The following AIDA variants were observed in gnomAD, a reference collection of about 807,000 sequenced individuals.
AIDA encodes the protein axin interactor, dorsalization associated.
AIDA carries 18 observed loss-of-function variants against 42.7 expected under a neutral mutation model. The ratio of observed to expected loss-of-function variants is 0.42; its 90% CI spans 0.29 to 0.63. AIDA has a LOEUF of 0.63. AIDA is among the 20% of genes least tolerant of loss of function. The probability of loss-of-function intolerance (pLI) is 0.19; values close to 1 mark genes in which losing one functional copy is unlikely to be tolerated. For missense variants in AIDA, 250 were observed against 354.1 expected, an observed-to-expected ratio of 0.71 and a Z score of 2.36; for synonymous variants, 104 against 122.9, an observed-to-expected ratio of 0.85 and a Z score of 1.02.
chr1:222,672,535 C>T (rs1317065231), intron 8 of AIDA, among the ~76,000 whole-genome samples: 1 of 152,162 alleles, frequency 6.6e-6, no homozygotes, highest in Non-Finnish European at 1.5e-5. Context: ...CTGGGGTGGC[C>T]ACCTAAGAAG....
intron 7 of AIDA, 92 bp downstream of exon 7, chr1:222,676,004 T>C: frequency 7.1e-7 from 1 of 1,410,638 alleles, no homozygotes; most frequent in South Asian, 1.6e-5. Flanking sequence ...TACATAAGAC[T>C]CCCCGCCCCA....
intron 7 of AIDA, among the ~76,000 whole-genome samples, chr1:222,674,095 C>CA (rs1007276568): frequency 6.6e-6 from 1 of 151,986 alleles, no homozygotes; most frequent in Non-Finnish European, 1.5e-5. Context: ...GTCAAAAAAA[C>CA]AAAAAACAAA....
At position 222,694,221 on chromosome 1, in the gene AIDA, C is replaced by A; in HGVS notation, c.223G>T (p.Ala75Ser). The A allele has an allele frequency of 3.7e-6, 6 of 1,611,634 alleles. No individual in the cohort carries two copies. Among genetic ancestry groups the A allele is most frequent in the Non-Finnish European group, 5.1e-6 (6 of 1,179,168 alleles). The change falls in exon 3 of 10, where the codon GCA becomes TCA. Residue 75 changes from alanine to serine, a missense_variant. Ala to Ser is a moderately conservative substitution (Grantham distance 99, BLOSUM62 1). Transcript: ENST00000340020. The part of the protein sequence containing the change: ...KIATCLELRS[A>S]ALQSTQSQEE... ...GAAAAACTCCTTACCTGTAAAGCTG[C>A]ACTTCGCAATTCCAAGCATGTTGCA... is the stretch of plus-strand genomic sequence containing the variant.
chr1:222,685,803 G>A (rs1396037938), intron 6 of AIDA, among the ~76,000 whole-genome samples: 1 of 152,180 alleles, frequency 6.6e-6, no homozygotes, highest in East Asian at 1.9e-4. Context: ...GGGGAAGAAA[G>A]GGCAATTGTT....
chr1:222,690,547 C>T (rs1292407719), intron 4 of AIDA, among the ~76,000 whole-genome samples: 3 of 152,104 alleles, frequency 2.0e-5, no homozygotes, highest in Non-Finnish European at 4.4e-5. Flanking sequence ...TGGAGTCCTG[C>T]AGTTTAGAGC....
intron 1 of AIDA, among the ~76,000 whole-genome samples, chr1:222,705,809 G>A (rs532094610): frequency 9.9e-5 from 15 of 152,068 alleles, no homozygotes; most frequent in South Asian, 4.1e-4. Flanking sequence ...GCTTGAACCC[G>A]GGAGGCAAAG....
intron 4 of AIDA, among the ~76,000 whole-genome samples, chr1:222,693,067 T>G (rs1487467483): frequency 6.6e-6 from 1 of 152,138 alleles, no homozygotes; most frequent in Non-Finnish European, 1.5e-5. Flanking sequence ...GTGAGAGAAC[T>G]CAACTATATG....
chr1:222,692,489 C>T lies in AIDA; in HGVS notation c.289+1300G>A, dbSNP rs528130099. ...TTTTTGTGGTAGGCAAAATGGGTAA[C>T]TGTTCCCATCTGAAAGATTATTTTT... On this transcript the variant is annotated intron_variant, in intron 4 of 9. Transcript: ENST00000340020. Among the ~76,000 whole-genome samples, 35 of 152,306 alleles carry T rather than the reference C, an allele frequency of 2.3e-4. No homozygotes were observed. The South Asian group carries it at 4.3e-3, about 19-fold the overall frequency.
intron 4 of AIDA, among the ~76,000 whole-genome samples, chr1:222,688,469 G>A (rs554482711): frequency 6.8e-4 from 103 of 152,192 alleles, no homozygotes; most frequent in African/African-American, 2.4e-3. Flanking sequence ...GATTACAATG[G>A]AACTGAAAAA....
At chr1:222,712,092 G>A in intron 1 of AIDA, 116 bp downstream of exon 1, 1 of 1,484,474 alleles carries the variant, frequency 6.7e-7, no homozygotes, top group Non-Finnish European at 9.1e-7. Context: ...AGTGCCTGCG[G>A]AGCCCCACCC....
chr1:222,705,093 A>T (rs1456076356), intron 1 of AIDA, among the ~76,000 whole-genome samples: 1 of 152,228 alleles, frequency 6.6e-6, no homozygotes, highest in Non-Finnish European at 1.5e-5. Context: ...ATCCTCCTTA[A>T]CATAAGGCAA....
intron 2 of AIDA, among the ~76,000 whole-genome samples, chr1:222,695,339 A>G (rs774508809): frequency 6.6e-6 from 1 of 152,204 alleles, no homozygotes; most frequent in Non-Finnish European, 1.5e-5. Context: ...TAAAAATACA[A>G]AAATTAGCCA....
At chr1:222,710,284 G>A (rs1655961075) in intron 1 of AIDA, among the ~76,000 whole-genome samples, 1 of 152,044 alleles carries the variant, frequency 6.6e-6, no homozygotes, top group Non-Finnish European at 1.5e-5. Flanking sequence ...TTTGACCCTG[G>A]CAGTTTTTAT....
intron 1 of AIDA, chr1:222,711,260 A>C (rs2124974357): frequency 6.6e-6 from 1 of 152,310 alleles, no homozygotes; most frequent in East Asian, 1.9e-4. Context: ...AAACCTAAGC[A>C]AGGTTTTATG....
intron 2 of AIDA, among the ~76,000 whole-genome samples, chr1:222,702,419 T>C (rs1655734275): frequency 1.3e-5 from 2 of 152,146 alleles, no homozygotes; most frequent in Non-Finnish European, 2.9e-5. Flanking sequence ...GACTTAACAC[T>C]AGATACTCTG....
chr1:222,696,011 C>A (rs1372834427), intron 2 of AIDA, among the ~76,000 whole-genome samples: 1 of 152,138 alleles, frequency 6.6e-6, no homozygotes, highest in Admixed American at 6.6e-5. Context: ...ACAAAATAAA[C>A]CACTACTGAG....
At chr1:222,695,784 A>G (rs1390815019) in intron 2 of AIDA, among the ~76,000 whole-genome samples, 1 of 152,222 alleles carries the variant, frequency 6.6e-6, no homozygotes, top group African/African-American at 2.4e-5. Context: ...AATGTCTGCA[A>G]TGCCTGCACA....
chr1:222,690,459 A>G (rs1045902470), intron 4 of AIDA, among the ~76,000 whole-genome samples: 2 of 152,190 alleles, frequency 1.3e-5, no homozygotes, highest in Non-Finnish European at 2.9e-5. Flanking sequence ...TGATTACATT[A>G]AAGTGAATTC....
intron 4 of AIDA, among the ~76,000 whole-genome samples, chr1:222,688,931 T>C (rs934644850): frequency 1.3e-5 from 2 of 152,008 alleles, no homozygotes; most frequent in East Asian, 1.9e-4. Context: ...ATTGTTATCA[T>C]AGGAGATGAC....
Sources: gnomAD v4.1 joint callset for allele counts (sites outside exome capture counted in the v4.1 genomes callset) on GRCh38, gnomAD v4.1.1 for gene constraint, MANE v1.5 for transcripts, NCBI Gene and HGNC (gene_info 2026-07-23, HGNC 2026-07-21) for gene names.